AGAP1: variants seen among roughly 807,000 people sequenced by gnomAD.
AGAP1 encodes arf-GAP with GTPase, ANK repeat and PH domain-containing protein 1.
Under a neutral mutation model 105.3 loss-of-function variants are expected in AGAP1, and 29 were observed. The ratio of observed to expected loss-of-function variants is 0.28; its 90% CI spans 0.21 to 0.38. The LOEUF (loss-of-function observed/expected upper bound fraction) is 0.38. Ranked by LOEUF, AGAP1 falls within the 10% of genes least tolerant of loss-of-function variation. The pLI is 1.00. For synonymous variants in AGAP1, 509 were observed against 485.9 expected, an observed-to-expected ratio of 1.05 and a Z score of -0.63; for missense variants, 998 against 1,165.1, an observed-to-expected ratio of 0.86 and a Z score of 2.09.
rs1183883404 is a variant in AGAP1, at chr2:235,747,553, A to T, written c.538+2714A>T. ...GCTGGGCCACCCCCAGATGAACCAG[A>T]ACGAAAAGTTGCAATCAGGGCTGTA... On this transcript the variant is annotated intron_variant, in intron 5 of 17. Coordinates refer to ENST00000304032, the MANE Select transcript of AGAP1 (RefSeq NM_001037131.3). The surrounding 1 kb of genome is among the most constrained non-coding windows in gnomAD (Gnocchi z 5.0). 1.3e-5 allele frequency among the ~76,000 whole-genome samples: 2 copies of T among 152,094 alleles called. No individual in the cohort carries two copies. The highest frequency in any genetic ancestry group is 3.9e-4 in the East Asian group (2 of 5,158).
chr2:236,017,527 A>C (rs906859969), intron 13 of AGAP1, among the ~76,000 whole-genome samples: 1 of 152,132 alleles, frequency 6.6e-6, no homozygotes, highest in East Asian at 1.9e-4. Context: ...GGTCCACTTG[A>C]GTGATTTACT....
chr2:236,007,580 C>T (rs2056364823), intron 13 of AGAP1, among the ~76,000 whole-genome samples: 1 of 152,056 alleles, frequency 6.6e-6, no homozygotes, highest in African/African-American at 2.4e-5. Context: ...AATATGATAA[C>T]ACAATTTGGA....
chr2:236,043,806 A>T (rs549693698), intron 15 of AGAP1, among the ~76,000 whole-genome samples: 2 of 152,144 alleles, frequency 1.3e-5, no homozygotes, highest in South Asian at 4.1e-4. Context: ...GGGTATGACA[A>T]TGAGTCTAGA....
In AGAP1 at chr2:235,799,734, C is replaced by A. The variant is rs1957403333; in HGVS notation, c.957+212C>A. ...AATTTCTTCATGTAGACATTCCTGA[C>A]TTCGTGTGTCTGAAATGAAGAGCTG... On this transcript the variant is annotated intron_variant, in intron 8 of 17. Transcript: ENST00000304032. This position sits in a 1 kb window ranked among gnomAD's most constrained non-coding sequence, Gnocchi z 5.0. Among the ~76,000 whole-genome samples the A allele has an allele frequency of 6.6e-6, 1 of 152,134 alleles. No individual in the cohort carries two copies. The highest frequency in any genetic ancestry group is 2.4e-5 in the African/African-American group (1 of 41,420).
chr2:235,765,822 G>T (rs1032080573), intron 6 of AGAP1, among the ~76,000 whole-genome samples: 1 of 152,134 alleles, frequency 6.6e-6, no homozygotes, highest in African/African-American at 2.4e-5. Context: ...AGTCATCTGG[G>T]TACTGGGAAA....
At chr2:235,613,978 C>T (rs555471325) in intron 1 of AGAP1, among the ~76,000 whole-genome samples, 1 of 151,486 alleles carries the variant, frequency 6.6e-6, no homozygotes, top group East Asian at 1.9e-4. Context: ...GAATATTGTG[C>T]ATGAGTCAGA....
At position 236,082,525 on chromosome 2, in the gene AGAP1, A is replaced by G. The variant is rs539753849; in HGVS notation, c.2114+33244A>G. 6.6e-6 allele frequency among the ~76,000 whole-genome samples: 1 copy of G among 152,222 alleles called. No homozygotes were observed. The highest frequency in any genetic ancestry group is 2.4e-5 in the African/African-American group (1 of 41,462). On this transcript the variant is annotated intron_variant, in intron 16 of 17. Coordinates refer to ENST00000304032, the MANE Select transcript of AGAP1 (RefSeq NM_001037131.3). The surrounding 1 kb of genome is among the most constrained non-coding windows in gnomAD (Gnocchi z 4.2). ...AAGGAAGATGGTTCCCAAAAGGCCT[A>G]TCAGGGGCAAACAGCTCACCTGCAG...
In AGAP1 at chr2:235,717,501, A is replaced by G. The variant is rs11894308; in HGVS notation, c.223-56A>G. 0.01 allele frequency: 14,920 copies of G among 1,488,920 alleles called. 1,196 individuals carry two copies. In the African/African-American group the frequency reaches 0.18, roughly 18 times the overall value. The allele number at this position is 1,488,920 out of a possible 1,614,324, so 92.2% of individuals were successfully genotyped here. A position where few individuals can be genotyped will look rare whatever the true frequency, so the allele number is the denominator to read the frequency against. ...TCTATTTTAGCCTCTTAGTATTTGC[A>G]AAATGCCAAATAGAGTGATTTGATG... is the stretch of plus-strand genomic sequence containing the variant. On this transcript the variant is annotated intron_variant, in intron 2 of 17. Coordinates refer to ENST00000304032, the MANE Select transcript of AGAP1 (RefSeq NM_001037131.3).
rs141419694 is a variant in AGAP1 at position 235,741,973 on chromosome 2, T to G, written c.396+925T>G. ...TTTCACCATGTTAGCCAGGATGGTC[T>G]CGATCTCCTGACCTCGTGATCCACT... On this transcript the variant is annotated intron_variant, in intron 4 of 17. Coordinates refer to ENST00000304032, the MANE Select transcript of AGAP1 (RefSeq NM_001037131.3). This position sits in a 1 kb window ranked among gnomAD's most constrained non-coding sequence, Gnocchi z 4.9. Among the ~76,000 whole-genome samples the G allele has an allele frequency of 7.1e-3, 1,087 of 152,212 alleles. 9 individuals carry two copies. The highest frequency in any genetic ancestry group is 0.025 in the African/African-American group (1,032 of 41,522).
chr2:235,596,943 G>C lies in AGAP1; in HGVS notation c.163+102094G>C, dbSNP rs1945545357. Among the ~76,000 whole-genome samples the C allele has an allele frequency of 6.6e-6, 1 of 152,158 alleles. No homozygotes were observed. Among genetic ancestry groups the C allele is most frequent in the South Asian group, 2.1e-4 (1 of 4,824 alleles). ...GACATCATGAGGAGATATGGCTTCT[G>C]CAGGAAGAGGCCTCACCAGGAACCA... On this transcript the variant is annotated intron_variant, in intron 1 of 17. Transcript: ENST00000304032. This position sits in a 1 kb window ranked among gnomAD's most constrained non-coding sequence, Gnocchi z 5.9.
At position 235,569,661 on chromosome 2, in the gene AGAP1, G is replaced by T. The variant is rs1944456581; in HGVS notation, c.163+74812G>T. Among the ~76,000 whole-genome samples the T allele has an allele frequency of 6.6e-6, 1 of 152,312 alleles. No individual in the cohort carries two copies. The highest frequency in any genetic ancestry group is 1.9e-4 in the East Asian group (1 of 5,162). On this transcript the variant is annotated intron_variant, in intron 1 of 17. Coordinates refer to ENST00000304032, the MANE Select transcript of AGAP1 (RefSeq NM_001037131.3). The surrounding 1 kb of genome is among the most constrained non-coding windows in gnomAD (Gnocchi z 5.9). Reference sequence around the variant, plus strand: ...TGCCCAGGTAGGGTGTGTTCACTGTGCCCCTGTGTGAGGGTTTGTAGTCTT... The same window carrying T: ...TGCCCAGGTAGGGTGTGTTCACTGTTCCCCTGTGTGAGGGTTTGTAGTCTT...
At chr2:235,885,781 C>T (rs1189259144) in intron 10 of AGAP1, among the ~76,000 whole-genome samples, 1 of 152,202 alleles carries the variant, frequency 6.6e-6, no homozygotes, top group African/African-American at 2.4e-5. Context: ...GCATCTCTCA[C>T]TGGTTTCTGT....
At chr2:235,921,080 A>T (rs573140512) in intron 11 of AGAP1, among the ~76,000 whole-genome samples, 16 of 152,366 alleles carry the variant, frequency 1.1e-4, no homozygotes, top group Admixed American at 9.8e-4. Flanking sequence ...AAGATATATT[A>T]TGCTGTTTGT....
At chr2:235,686,749 G>C (rs1949470925) in intron 1 of AGAP1, among the ~76,000 whole-genome samples, 1 of 148,008 alleles carries the variant, frequency 6.8e-6, no homozygotes, top group Admixed American at 6.8e-5. Context: ...ACAGCCATGG[G>C]CTTAAGCAGT....
intron 13 of AGAP1, among the ~76,000 whole-genome samples, chr2:236,029,361 C>T (rs577881611): frequency 2.6e-5 from 4 of 151,834 alleles, no homozygotes; most frequent in South Asian, 2.1e-4. Flanking sequence ...CTGCAACCTC[C>T]GCCTCCCAGG....
intron 16 of AGAP1, among the ~76,000 whole-genome samples, chr2:236,079,964 G>A (rs1576254266): frequency 6.6e-6 from 1 of 152,208 alleles, no homozygotes; most frequent in African/African-American, 2.4e-5. Context: ...CAGAGACAAA[G>A]AAAAATCCGT....
rs1960993343 is a variant in AGAP1, at chr2:235,842,599, G to A, written c.1050+35268G>A. On this transcript the variant is annotated intron_variant, in intron 9 of 17. Transcript: ENST00000304032. This position sits in a 1 kb window ranked among gnomAD's most constrained non-coding sequence, Gnocchi z 5.3. ...CCTATGAATTTAAACCTAATACTTT[G>A]AGAAGGGATCCTTTGGGACGTGCCA... Among the ~76,000 whole-genome samples, 1 of 152,180 alleles carries A rather than the reference G, an allele frequency of 6.6e-6. No individual in the cohort carries two copies. Among genetic ancestry groups the A allele is most frequent in the Admixed American group, 6.5e-5 (1 of 15,278 alleles).
intron 12 of AGAP1, among the ~76,000 whole-genome samples, chr2:235,949,442 A>ATACCATGAAATTCC (rs1315683183): frequency 3.9e-5 from 6 of 152,256 alleles, no homozygotes; most frequent in African/African-American, 1.4e-4. Context: ...GAGCTGAAAA[A>ATACCATGAAATTCC]TACCATGAAA....
chr2:235,753,675 C>T lies in AGAP1; in HGVS notation c.673+3187C>T, dbSNP rs1953655976. ...CAGCTGAGATTGCACAATTGCGCTC[C>T]ATCCTGGGTGACAGAGCGAGACTCT... On this transcript the variant is annotated intron_variant, in intron 6 of 17. Coordinates refer to ENST00000304032, the MANE Select transcript of AGAP1 (RefSeq NM_001037131.3). This position sits in a 1 kb window ranked among gnomAD's most constrained non-coding sequence, Gnocchi z 4.5. Among the ~76,000 whole-genome samples the T allele has an allele frequency of 6.6e-6, 1 of 150,874 alleles. No homozygotes were observed. Among genetic ancestry groups the T allele is most frequent in the African/African-American group, 2.4e-5 (1 of 40,942 alleles).
Sources: gnomAD v4.1 joint callset for allele counts (sites outside exome capture counted in the v4.1 genomes callset) on GRCh38, gnomAD v4.1.1 for gene constraint, Gnocchi (gnomAD v3.1) non-coding constraint, MANE v1.5 for transcripts, NCBI Gene and HGNC (gene_info 2026-07-23, HGNC 2026-07-21) for gene names.